Variants in EDA2R observed in about 807,000 individuals in gnomAD.
EDA2R encodes the protein tumor necrosis factor receptor superfamily member 27.
A neutral mutation model predicts 20.1 loss-of-function variants in EDA2R; 26 were observed. The observed-to-expected ratio is 1.30, with a 90% CI of 0.95 to 1.80. The LOEUF (loss-of-function observed/expected upper bound fraction) is 1.80. EDA2R is among the 40% of genes most tolerant of loss of function. EDA2R has a pLI of 0.00. For synonymous variants in EDA2R, 114 were observed against 88.7 expected (o/e 1.29, Z -1.60); for missense variants, 277 against 228.7 (o/e 1.21, Z -1.36).
At chrX:66,614,920 T>C (rs1427692154) in intron 2 of EDA2R, among the ~76,000 whole-genome samples, 1 of 111,134 alleles carries the variant, frequency 9.0e-6, no homozygotes, top group African/African-American at 3.3e-5. Context: ...CATACACCCA[T>C]TGCACTACCT....
chrX:66,631,692 G>A (rs1193526005), intron 1 of EDA2R, among the ~76,000 whole-genome samples: 1 of 111,701 alleles, frequency 9.0e-6, no homozygotes, highest in Non-Finnish European at 1.9e-5. Context: ...TAGGAACAGA[G>A]AGGAATGATG....
intron 1 of EDA2R, among the ~76,000 whole-genome samples, chrX:66,627,474 G>A (rs1433079129): frequency 8.9e-6 from 1 of 112,337 alleles, no homozygotes; most frequent in African/African-American, 3.2e-5. Flanking sequence ...GTGAGCAGAG[G>A]TAACTATTCT....
intron 2 of EDA2R, among the ~76,000 whole-genome samples, chrX:66,614,179 G>T (rs1931271988): frequency 9.0e-6 from 1 of 111,482 alleles, no homozygotes; most frequent in African/African-American, 3.3e-5. Flanking sequence ...CCTTGCCCCT[G>T]ATTCCTGACT....
intron 1 of EDA2R, among the ~76,000 whole-genome samples, chrX:66,617,153 T>C (rs1364858410): frequency 6.2e-5 from 7 of 112,059 alleles, no homozygotes; most frequent in African/African-American, 2.3e-4. Context: ...GTACTCTTAG[T>C]CAGAAGAGAC....
intron 2 of EDA2R, among the ~76,000 whole-genome samples, chrX:66,610,932 AT>A (rs772733539): frequency 1.9e-4 from 21 of 111,115 alleles, no homozygotes; most frequent in Non-Finnish European, 3.6e-4. Flanking sequence ...GTCTGAGATT[AT>A]TTTCCCCCAC....
At chrX:66,598,172 CATAGGTT>C in intron 6 of EDA2R, 79 bp from the exon 7 acceptor site, 1 of 361,626 alleles carries the variant, frequency 2.8e-6, no homozygotes, top group Non-Finnish European at 4.4e-6. Context: ...CTCCAAATAT[CATAGGTT>C]AAGCCAATGG....
chrX:66,637,088 G>A (rs1364113739), intron 1 of EDA2R, among the ~76,000 whole-genome samples: 1 of 111,798 alleles, frequency 8.9e-6, no homozygotes, highest in African/African-American at 3.3e-5. Context: ...AAATAGCTGT[G>A]TCTAGCTCAG....
chrX:66,610,489 A>G (rs1284699291), intron 2 of EDA2R, among the ~76,000 whole-genome samples: 1 of 111,635 alleles, frequency 9.0e-6, no homozygotes, highest in Non-Finnish European at 1.9e-5. Context: ...TCACTTACTC[A>G]CTTGCTAGAG....
At chrX:66,633,834 T>A (rs1934077029) in intron 1 of EDA2R, among the ~76,000 whole-genome samples, 1 of 111,907 alleles carries the variant, frequency 8.9e-6, no homozygotes, top group Admixed American at 9.5e-5. Context: ...CAGTTGGGTA[T>A]TGAATTCATG....
intron 1 of EDA2R, among the ~76,000 whole-genome samples, chrX:66,624,823 A>G (rs1365046727): frequency 8.9e-6 from 1 of 112,045 alleles, no homozygotes; most frequent in Non-Finnish European, 1.9e-5. Flanking sequence ...AAATACTTTG[A>G]GCACTCCAAC....
chrX:66,624,482 G>A (rs1444489856), intron 1 of EDA2R, among the ~76,000 whole-genome samples: 1 of 111,910 alleles, frequency 8.9e-6, no homozygotes, highest in African/African-American at 3.3e-5. Flanking sequence ...TTGTGCCACT[G>A]CACTCCAGCC....
intron 1 of EDA2R, among the ~76,000 whole-genome samples, chrX:66,632,502 G>C (rs1933934028): frequency 9.3e-6 from 1 of 108,042 alleles, no homozygotes; most frequent in Non-Finnish European, 1.9e-5. Context: ...AAGGAAGAAG[G>C]AAGGAAGAAG....
intron 4 of EDA2R, 61 bp downstream of exon 4, chrX:66,604,360 C>A: frequency 9.2e-7 from 1 of 1,085,026 alleles, no homozygotes; most frequent in Non-Finnish European, 1.3e-6. Context: ...GTCTTTACTA[C>A]CCTATCTTGC....
chrX:66,609,875 A>G (rs1026752052), intron 2 of EDA2R, among the ~76,000 whole-genome samples: 7 of 111,974 alleles, frequency 6.3e-5, no homozygotes, highest in Non-Finnish European at 1.3e-4. Flanking sequence ...TACATTCCTC[A>G]CACTATACAC....
At chrX:66,613,665 G>T (rs959811426) in intron 2 of EDA2R, among the ~76,000 whole-genome samples, 1 of 111,587 alleles carries the variant, frequency 9.0e-6, no homozygotes, top group African/African-American at 3.3e-5. Flanking sequence ...GAAAATAAAT[G>T]TAATGGTAAT....
chrX:66,635,240 T>C (rs1452872214), intron 1 of EDA2R, among the ~76,000 whole-genome samples: 1 of 111,969 alleles, frequency 8.9e-6, no homozygotes, highest in East Asian at 2.8e-4. Flanking sequence ...TGCAGTCTGG[T>C]GGGGAACATA....
At chrX:66,615,873 C>T (rs765599226) in intron 2 of EDA2R, 61 bp downstream of exon 2, 68 of 985,833 alleles carry the variant, frequency 6.9e-5, no homozygotes, top group Non-Finnish European at 9.5e-5. Flanking sequence ...TGGCCTCTTT[C>T]AGTTGCCGGG....
At chrX:66,619,066 A>G (rs1468052254) in intron 1 of EDA2R, among the ~76,000 whole-genome samples, 1 of 111,848 alleles carries the variant, frequency 8.9e-6, no homozygotes, top group African/African-American at 3.2e-5. Context: ...AGTGAGGTTT[A>G]TAGTAAAAGG....
Position 66,602,706 on chromosome X carries a change from C to A in EDA2R, c.444G>T (p.Val148=). 1 of 1,200,204 alleles carries A rather than the reference C, an allele frequency of 8.3e-7. No individual in the cohort carries two copies. Among genetic ancestry groups the A allele is most frequent in the Admixed American group, 2.2e-5 (1 of 44,788 alleles). The stretch of plus-strand genomic sequence containing the variant: ...GCCCCAGGAAGGCCAGGGTAAACAC[C>A]ACTAGCAGGCTGCTCACCAGTGCAA... ...TLVALVSSLL[V]VFTLAFLGLF... Residue 148 remains valine (V), a synonymous_variant, in exon 5 of 7, where the codon GTG becomes GTT. Coordinates refer to ENST00000374719, the MANE Select transcript of EDA2R (RefSeq NM_021783.5).
Sources: allele counts gnomAD v4.1 joint callset (sites outside exome capture counted in the v4.1 genomes callset), GRCh38; gene constraint gnomAD v4.1.1; transcripts MANE v1.5; gene names NCBI Gene and HGNC (gene_info 2026-07-23, HGNC 2026-07-21).